Variants in NRXN1 observed in about 807,000 individuals in gnomAD.
NRXN1 encodes the protein neurexin-1.
In NRXN1, 39 loss-of-function variants were observed where a neutral mutation model predicts 150.9. The ratio of observed to expected loss-of-function variants is 0.26; its 90% CI spans 0.20 to 0.34. The LOEUF is 0.34. Among genes scored for constraint, NRXN1 ranks in the 10% least tolerant of loss-of-function variants. The pLI is 1.00. For synonymous variants in NRXN1, 924 were observed against 757.0 expected, an observed-to-expected ratio of 1.22 and a Z score of -3.62; for missense variants, 1,815 against 1,949.9, an observed-to-expected ratio of 0.93 and a Z score of 1.30.
chr2:50,553,541 A>G (rs1015568343), intron 8 of NRXN1, among the ~76,000 whole-genome samples: 1 of 152,246 alleles, frequency 6.6e-6, no homozygotes, highest in Admixed American at 6.5e-5. Context: ...ACTTTGCAAG[A>G]CAGTCACAAC....
intron 8 of NRXN1, among the ~76,000 whole-genome samples, chr2:50,598,637 T>C (rs1457946165): frequency 6.8e-6 from 1 of 147,714 alleles, no homozygotes; most frequent in Non-Finnish European, 1.5e-5. Context: ...TATATGTATA[T>C]ATGTGTGTGT....
At chr2:50,204,297 T>C (rs1022593599) in intron 18 of NRXN1, among the ~76,000 whole-genome samples, 1 of 152,004 alleles carries the variant, frequency 6.6e-6, no homozygotes, top group Non-Finnish European at 1.5e-5. Context: ...TTTGTCACTA[T>C]TAACAAAAAA....
intron 21 of NRXN1, among the ~76,000 whole-genome samples, chr2:49,967,376 A>G (rs1224915002): frequency 6.6e-6 from 1 of 152,048 alleles, no homozygotes; most frequent in African/African-American, 2.4e-5. Context: ...AAAATGACAA[A>G]GCTGTGATAT....
chr2:50,045,751 G>A (rs1468260810), intron 21 of NRXN1, among the ~76,000 whole-genome samples: 2 of 152,084 alleles, frequency 1.3e-5, no homozygotes, highest in Non-Finnish European at 2.9e-5. Flanking sequence ...CTACCACTGA[G>A]ACTAGACATT....
At chr2:50,306,769 T>G (rs918385465) in intron 17 of NRXN1, among the ~76,000 whole-genome samples, 1 of 152,208 alleles carries the variant, frequency 6.6e-6, no homozygotes, top group Non-Finnish European at 1.5e-5. Flanking sequence ...TTGAGTGTAA[T>G]CAAAATTCCA....
At chr2:50,085,751 A>AAGAT in intron 19 of NRXN1, among the ~76,000 whole-genome samples, 1 of 152,194 alleles carries the variant, frequency 6.6e-6, no homozygotes, top group East Asian at 1.9e-4. Context: ...AAATACCCAT[A>AAGAT]AGATAGTCTT....
intron 17 of NRXN1, among the ~76,000 whole-genome samples, chr2:50,455,546 T>C (rs2087469807): frequency 6.6e-6 from 1 of 152,196 alleles, no homozygotes; most frequent in South Asian, 2.1e-4. Context: ...AAAAGAAATG[T>C]GCCTGACACA....
At chr2:50,299,106 G>T (rs574524312) in intron 17 of NRXN1, among the ~76,000 whole-genome samples, 1 of 152,162 alleles carries the variant, frequency 6.6e-6, no homozygotes, top group Non-Finnish European at 1.5e-5. Context: ...ACCCTTTCAG[G>T]AAATGGCTTA....
chr2:50,183,105 A>T (rs2060841049), intron 18 of NRXN1, among the ~76,000 whole-genome samples: 1 of 152,088 alleles, frequency 6.6e-6, no homozygotes, highest in African/African-American at 2.4e-5. Flanking sequence ...AGCCAATTAT[A>T]GAAGGAAGTT....
intron 15 of NRXN1, among the ~76,000 whole-genome samples, chr2:50,495,699 T>G (rs2091562361): frequency 6.6e-6 from 1 of 152,144 alleles, no homozygotes. Flanking sequence ...GTGCTGCATT[T>G]TTTGAGCTGT....
At chr2:50,285,329 T>C (rs1010795476) in intron 17 of NRXN1, among the ~76,000 whole-genome samples, 11 of 152,336 alleles carry the variant, frequency 7.2e-5, no homozygotes, top group African/African-American at 2.6e-4. Context: ...GAGTTTGGGA[T>C]GGTTCAAGCC....
intron 5 of NRXN1, among the ~76,000 whole-genome samples, chr2:50,689,982 G>T (rs1416070438): frequency 6.6e-6 from 1 of 151,554 alleles, no homozygotes; most frequent in African/African-American, 2.4e-5. Flanking sequence ...TGCCTCTGGG[G>T]CTCAAGCAAT....
In NRXN1 at chr2:50,639,680, C is replaced by G. The variant is rs774945361; in HGVS notation, c.833-16065G>C. Among the ~76,000 whole-genome samples the G allele has an allele frequency of 7.2e-5, 11 of 152,024 alleles. 1 individual carries two copies. Among genetic ancestry groups the G allele is most frequent in the Admixed American group, 7.2e-4 (11 of 15,258 alleles). ...CTATCCTAGATACCTAATTTTATAACTCCTTGAGAAAATATATAAAATTAT... is the reference window on the plus strand; with the variant it reads ...CTATCCTAGATACCTAATTTTATAAGTCCTTGAGAAAATATATAAAATTAT... On this transcript the variant is annotated intron_variant, in intron 5 of 22. Coordinates refer to ENST00000401669, the MANE Select transcript of NRXN1 (RefSeq NM_001330078.2).
At chr2:50,907,003 A>G (rs1683789084) in intron 5 of NRXN1, among the ~76,000 whole-genome samples, 2 of 152,062 alleles carry the variant, frequency 1.3e-5, no homozygotes, top group South Asian at 2.1e-4. Flanking sequence ...CCCAGAAGCA[A>G]GTCATAGCAA....
intron 2 of NRXN1, among the ~76,000 whole-genome samples, chr2:50,939,013 C>A (rs1688973809): frequency 6.6e-6 from 1 of 151,822 alleles, no homozygotes. Context: ...AGATCGAGAC[C>A]ATCCTGGTTA....
chr2:50,929,761 A>G (rs1362503535), intron 2 of NRXN1, among the ~76,000 whole-genome samples: 1 of 152,054 alleles, frequency 6.6e-6, no homozygotes, highest in Non-Finnish European at 1.5e-5. Context: ...TGTACTCCTC[A>G]TTTTGGAGAT....
At chr2:50,778,408 A>T (rs963881402) in intron 5 of NRXN1, among the ~76,000 whole-genome samples, 1 of 152,208 alleles carries the variant, frequency 6.6e-6, no homozygotes, top group East Asian at 1.9e-4. Flanking sequence ...GCTCCCCCAG[A>T]CTACGAAAAA....
At chr2:50,447,777 ATAC>A (rs2086588357) in intron 17 of NRXN1, among the ~76,000 whole-genome samples, 1 of 124,570 alleles carries the variant, frequency 8.0e-6, no homozygotes, top group Admixed American at 8.1e-5. Context: ...ATATATATAT[ATAC>A]CTAATTCCCT....
At chr2:50,285,401 A>G (rs1221596741) in intron 17 of NRXN1, among the ~76,000 whole-genome samples, 1 of 152,150 alleles carries the variant, frequency 6.6e-6, no homozygotes, top group African/African-American at 2.4e-5. Context: ...ATTCCATAGC[A>G]GGGCGCAGTC....
Sources: gnomAD v4.1 joint callset for allele counts (sites outside exome capture counted in the v4.1 genomes callset) on GRCh38, gnomAD v4.1.1 for gene constraint, MANE v1.5 for transcripts, NCBI Gene and HGNC (gene_info 2026-07-23, HGNC 2026-07-21) for gene names.